USH2A: variants seen among roughly 807,000 people sequenced by gnomAD.
USH2A encodes usherin.
Under a neutral mutation model 538.9 loss-of-function variants are expected in USH2A, and 443 were observed. The observed-to-expected ratio is 0.82, with a 90% confidence interval of 0.76 to 0.89. The LOEUF is 0.89. Among genes scored for constraint, USH2A ranks in the 40% least tolerant of loss-of-function variants. The probability of loss-of-function intolerance (pLI) is 0.00; values close to 1 mark genes in which losing one functional copy is unlikely to be tolerated. For synonymous variants in USH2A, 2,413 were observed against 2,273.5 expected (o/e 1.06, Z -1.75); for missense variants, 6,633 against 6,324.8 (o/e 1.05, Z -1.65).
intron 4 of USH2A, among the ~76,000 whole-genome samples, chr1:216,335,299 A>G (rs1187380147): frequency 6.6e-6 from 1 of 151,688 alleles, no homozygotes; most frequent in Admixed American, 6.6e-5. Flanking sequence ...TAGTGTTTAA[A>G]GTGATATTTA....
intron 48 of USH2A, 21 bp downstream of exon 48, chr1:215,816,976 G>A (rs374719970): frequency 1.1e-5 from 18 of 1,610,860 alleles, no homozygotes; most frequent in Middle Eastern, 1.7e-4. Flanking sequence ...ATGGTTCACT[G>A]ATTAGTTAGA....
intron 13 of USH2A, among the ~76,000 whole-genome samples, chr1:216,241,557 G>A (rs1328140623): frequency 3.3e-5 from 5 of 149,842 alleles, no homozygotes; most frequent in Non-Finnish European, 5.9e-5. Flanking sequence ...TTTTTGAGAC[G>A]GAGTTTGGCT....
At position 215,634,471 on chromosome 1, in the gene USH2A, C is replaced by G. The variant is rs754142378; in HGVS notation, c.15285G>C (p.Gly5095=). The change falls in exon 70 of 72, where the codon GGG becomes GGC. Residue 5095 remains glycine (G), a synonymous_variant. Transcript: ENST00000307340. ...RMSPLNVYPP[G]ENHMGLADTK... ...TCTACAAACATACCATATGGTTTTC[C>G]CCCGGTGGGTAAACATTCAATGGAG... 2 of 1,614,160 alleles carry G rather than the reference C, an allele frequency of 1.2e-6. No homozygotes were observed. Among genetic ancestry groups the G allele is most frequent in the African/African-American group, 2.7e-5 (2 of 75,026 alleles).
chr1:215,761,555 C>T (rs1035387328), intron 56 of USH2A, among the ~76,000 whole-genome samples: 3 of 152,134 alleles, frequency 2.0e-5, no homozygotes, highest in South Asian at 2.1e-4. Flanking sequence ...AACACAATGC[C>T]TAATACATGT....
chr1:216,265,511 GT>G (rs1480124171), intron 11 of USH2A, among the ~76,000 whole-genome samples: 1 of 151,942 alleles, frequency 6.6e-6, no homozygotes, highest in Non-Finnish European at 1.5e-5. Context: ...ATATCCAGAC[GT>G]TTTGAAATCA....
rs141779736 is a variant in USH2A, at chr1:216,343,276, T to C, written c.785-15622A>G. On this transcript the variant is annotated intron_variant, in intron 4 of 71. Transcript: ENST00000307340. ...TTCAAAACAACAAAGCTTAAAAGAC[T>C]AGCTGGGCTTGATGGTTCATGCCTA... Among the ~76,000 whole-genome samples the C allele has an allele frequency of 4.7e-3, 709 of 150,944 alleles. 7 individuals carry two copies. Among genetic ancestry groups the C allele is most frequent in the African/African-American group, 0.016 (675 of 41,070 alleles).
chr1:215,988,073 A>G (rs1667914362), intron 35 of USH2A, among the ~76,000 whole-genome samples: 1 of 151,714 alleles, frequency 6.6e-6, no homozygotes, highest in Non-Finnish European at 1.5e-5. Context: ...CATCTTAACC[A>G]TTTTAAGTGT....
At chr1:215,807,533 C>A (rs1270526499) in intron 49 of USH2A, among the ~76,000 whole-genome samples, 2 of 152,086 alleles carry the variant, frequency 1.3e-5, no homozygotes, top group African/African-American at 4.8e-5. Context: ...TTTGTCAGAA[C>A]AAAATGCTTT....
chr1:215,924,220 A>G (rs1666175667), intron 38 of USH2A, among the ~76,000 whole-genome samples: 1 of 152,124 alleles, frequency 6.6e-6, no homozygotes, highest in African/African-American at 2.4e-5. Context: ...CATGAAAAGC[A>G]TAGTGGTTGT....
chr1:215,905,153 CAG>C (rs1172059713), intron 38 of USH2A, among the ~76,000 whole-genome samples: 1 of 152,046 alleles, frequency 6.6e-6, no homozygotes, highest in Non-Finnish European at 1.5e-5. Context: ...AAGGCAAAAA[CAG>C]AGGCTTTACA....
At chr1:216,204,706 G>A (rs2035074468) in intron 16 of USH2A, among the ~76,000 whole-genome samples, 1 of 152,130 alleles carries the variant, frequency 6.6e-6, no homozygotes, top group Admixed American at 6.5e-5. Context: ...AATATAAGTA[G>A]TGTTTCCTTT....
chr1:216,143,872 G>C (rs916504970), intron 21 of USH2A, among the ~76,000 whole-genome samples: 1 of 152,186 alleles, frequency 6.6e-6, no homozygotes, highest in Non-Finnish European at 1.5e-5. Context: ...GGCAAGGTCA[G>C]TGACTACAAT....
chr1:215,960,235 T>C (rs1667166149), intron 37 of USH2A, among the ~76,000 whole-genome samples: 1 of 152,154 alleles, frequency 6.6e-6, no homozygotes, highest in African/African-American at 2.4e-5. Flanking sequence ...CACAATACTT[T>C]CATCTACCAG....
intron 49 of USH2A, among the ~76,000 whole-genome samples, chr1:215,808,337 T>C (rs1339485457): frequency 1.3e-5 from 2 of 152,150 alleles, no homozygotes; most frequent in Admixed American, 1.3e-4. Flanking sequence ...GAGCTCAACC[T>C]AAAATTTAAC....
intron 38 of USH2A, among the ~76,000 whole-genome samples, chr1:215,912,584 C>T (rs938175302): frequency 6.6e-6 from 1 of 150,798 alleles, no homozygotes; most frequent in African/African-American, 2.4e-5. Flanking sequence ...GAACTAGTCA[C>T]ACAATGGAGA....
At chr1:215,669,228 G>C (rs907850611) in intron 64 of USH2A, among the ~76,000 whole-genome samples, 9 of 152,104 alleles carry the variant, frequency 5.9e-5, no homozygotes, top group Admixed American at 2.0e-4. Context: ...CTCTCACGAA[G>C]GTACCATTTT....
At chr1:216,068,039 G>T (rs190625559) in intron 30 of USH2A, among the ~76,000 whole-genome samples, 1 of 152,302 alleles carries the variant, frequency 6.6e-6, no homozygotes, top group African/African-American at 2.4e-5. Flanking sequence ...GGAGAACCAG[G>T]AGGTAAGCAG....
intron 47 of USH2A, among the ~76,000 whole-genome samples, chr1:215,832,968 A>AC (rs754496279): frequency 5.9e-5 from 9 of 151,822 alleles, no homozygotes; most frequent in Non-Finnish European, 1.0e-4. Context: ...TAATAATAGC[A>AC]CCCCCCAAAT....
intron 61 of USH2A, among the ~76,000 whole-genome samples, chr1:215,710,560 T>C (rs1659312230): frequency 6.6e-6 from 1 of 151,910 alleles, no homozygotes; most frequent in African/African-American, 2.4e-5. Context: ...TAGAGGGCGC[T>C]CTCCTCATGG....
Sources: allele counts gnomAD v4.1 joint callset (sites outside exome capture counted in the v4.1 genomes callset), GRCh38; gene constraint gnomAD v4.1.1; transcripts MANE v1.5; gene names NCBI Gene and HGNC (gene_info 2026-07-23, HGNC 2026-07-21).